The following GRID1 variants were observed in gnomAD, a reference collection of about 807,000 sequenced individuals.
GRID1 encodes the protein glutamate receptor ionotropic, delta-1.
In GRID1, 28 loss-of-function variants were observed where a neutral mutation model predicts 98.0. The ratio of observed to expected loss-of-function variants is 0.29; its 90% CI spans 0.21 to 0.39. GRID1 has a LOEUF of 0.39. GRID1 is among the 10% of genes least tolerant of loss of function. GRID1 has a pLI of 1.00. For missense variants in GRID1, 1,111 were observed against 1,340.5 expected (o/e 0.83, Z 2.67); for synonymous variants, 553 against 538.5 (o/e 1.03, Z -0.37).
At chr10:86,157,911 C>T (rs1438084297) in intron 3 of GRID1, among the ~76,000 whole-genome samples, 1 of 152,214 alleles carries the variant, frequency 6.6e-6, no homozygotes, top group Non-Finnish European at 1.5e-5. Context: ...AGCTCCGGCT[C>T]CAGCTGCTCC....
At chr10:85,769,856 G>A (rs1214638812) in intron 8 of GRID1, among the ~76,000 whole-genome samples, 2 of 152,254 alleles carry the variant, frequency 1.3e-5, no homozygotes, top group African/African-American at 4.8e-5. Flanking sequence ...CACAGCTCAA[G>A]GAGGCCTGCC....
intron 2 of GRID1, among the ~76,000 whole-genome samples, chr10:86,356,324 T>A (rs113750668): frequency 4.1e-4 from 63 of 152,348 alleles, no homozygotes; most frequent in African/African-American, 1.5e-3. Context: ...GTTATTTTAA[T>A]GAAACGCCAA....
At chr10:86,070,811 T>C (rs987407202) in intron 4 of GRID1, among the ~76,000 whole-genome samples, 5 of 152,182 alleles carry the variant, frequency 3.3e-5, no homozygotes, top group African/African-American at 1.2e-4. Context: ...AGTAACAGGA[T>C]TAATCCCATC....
chr10:86,177,813 G>A (rs546266013), intron 3 of GRID1, among the ~76,000 whole-genome samples: 81 of 152,154 alleles, frequency 5.3e-4, no homozygotes, highest in Middle Eastern at 3.4e-3. Flanking sequence ...AGACTTTAGC[G>A]TATGCACGCG....
At chr10:86,220,880 C>A (rs907522329) in intron 2 of GRID1, among the ~76,000 whole-genome samples, 5 of 152,220 alleles carry the variant, frequency 3.3e-5, no homozygotes, top group African/African-American at 1.2e-4. Context: ...GCACCCAGCA[C>A]CAGCATCTGA....
In GRID1 at chr10:85,612,296, C is replaced by T. The variant is rs532742808; in HGVS notation, c.2601+1111G>A. On this transcript the variant is annotated intron_variant, in intron 15 of 15. Transcript: ENST00000327946. ...TGTCCAGAGGTGCCAAATCCCTTCC[C>T]CAAATCAGTCTGAGAAGAGCCCGCC... Among the ~76,000 whole-genome samples the T allele has an allele frequency of 5.6e-5, 4 of 71,224 alleles. No homozygotes were observed. In the East Asian group the frequency reaches 2.0e-3, roughly 36 times the overall value. 46.7% of individuals were successfully genotyped at this position (71,224 alleles called of 152,430 possible).
At chr10:86,325,031 A>G in intron 2 of GRID1, among the ~76,000 whole-genome samples, 1 of 152,232 alleles carries the variant, frequency 6.6e-6, no homozygotes, top group East Asian at 1.9e-4. Flanking sequence ...TCATGACACT[A>G]TATGAACCTT....
intron 3 of GRID1, among the ~76,000 whole-genome samples, chr10:86,148,325 C>T (rs1845115685): frequency 6.6e-6 from 1 of 152,162 alleles, no homozygotes; most frequent in African/African-American, 2.4e-5. Flanking sequence ...CAACAATGTG[C>T]ATGAGCCTGG....
At chr10:86,072,048 G>A (rs1420026422) in intron 4 of GRID1, among the ~76,000 whole-genome samples, 1 of 152,204 alleles carries the variant, frequency 6.6e-6, no homozygotes, top group African/African-American at 2.4e-5. Flanking sequence ...GTGAGAGGAA[G>A]ATGGGAGGAA....
At chr10:86,032,970 T>A in intron 4 of GRID1, among the ~76,000 whole-genome samples, 1 of 150,492 alleles carries the variant, frequency 6.6e-6, no homozygotes, top group Admixed American at 6.6e-5. Context: ...AAAATAAATA[T>A]AAATAAATAA....
intron 12 of GRID1, among the ~76,000 whole-genome samples, chr10:85,689,552 A>G (rs188888113): frequency 6.6e-6 from 1 of 152,324 alleles, no homozygotes; most frequent in Admixed American, 6.5e-5. Flanking sequence ...AAACAACTAT[A>G]GTAAATATTA....
intron 8 of GRID1, among the ~76,000 whole-genome samples, chr10:85,758,019 G>A (rs2140662): frequency 0.051 from 7,720 of 152,252 alleles, 338 homozygotes; most frequent in African/African-American, 0.12. Context: ...CTTGGACATT[G>A]AGGCAGTCCT....
At chr10:85,983,098 C>T (rs1263326526) in intron 4 of GRID1, among the ~76,000 whole-genome samples, 2 of 152,186 alleles carry the variant, frequency 1.3e-5, no homozygotes, top group Non-Finnish European at 2.9e-5. Context: ...GAGTGGAGAG[C>T]CAGCCATGGC....
chr10:86,097,122 C>T (rs1386970684), intron 4 of GRID1, among the ~76,000 whole-genome samples: 1 of 152,212 alleles, frequency 6.6e-6, no homozygotes, highest in African/African-American at 2.4e-5. Flanking sequence ...ACACCATCCA[C>T]TTCACTGGTC....
At chr10:85,738,816 T>C (rs1841912004) in intron 8 of GRID1, among the ~76,000 whole-genome samples, 2 of 152,114 alleles carry the variant, frequency 1.3e-5, no homozygotes, top group Admixed American at 1.3e-4. Context: ...GTACTGAAAA[T>C]AGATCAATGT....
At chr10:85,834,573 T>G (rs1842896431) in intron 8 of GRID1, among the ~76,000 whole-genome samples, 1 of 152,170 alleles carries the variant, frequency 6.6e-6, no homozygotes, top group Non-Finnish European at 1.5e-5. Flanking sequence ...ATAAATTTAT[T>G]TGATAATTGA....
chr10:86,043,620 C>T (rs1843378587), intron 4 of GRID1, among the ~76,000 whole-genome samples: 1 of 152,234 alleles, frequency 6.6e-6, no homozygotes, highest in South Asian at 2.1e-4. Flanking sequence ...CCAGCCAGAG[C>T]TTCAATCTGA....
At chr10:85,776,352 A>G (rs1266388051) in intron 8 of GRID1, among the ~76,000 whole-genome samples, 1 of 152,252 alleles carries the variant, frequency 6.6e-6, no homozygotes, top group Non-Finnish European at 1.5e-5. Context: ...TGCTTTCCAC[A>G]ACAAAGAACG....
chr10:86,366,295 G>T lies in GRID1; in HGVS notation c.79+19C>A, dbSNP rs758884889. Reference sequence around the variant, plus strand: ...TGGGGCCCCCGCCCAGCCTCGGCCCGGCCTCCAGCCGCGCTTACCGATGTG... The same window carrying T: ...TGGGGCCCCCGCCCAGCCTCGGCCCTGCCTCCAGCCGCGCTTACCGATGTG... On this transcript the variant is annotated intron_variant, in intron 1 of 15. Transcript: ENST00000327946. The surrounding 1 kb of genome is among the most constrained non-coding windows in gnomAD (Gnocchi z 4.1). 2 of 1,480,038 alleles carry T rather than the reference G, an allele frequency of 1.4e-6. No homozygotes were observed. Among genetic ancestry groups the T allele is most frequent in the Non-Finnish European group, 1.8e-6 (2 of 1,110,512 alleles). The allele number at this position is 1,480,038 out of a possible 1,614,324, so 91.7% of individuals were successfully genotyped here. A position where few individuals can be genotyped will look rare whatever the true frequency, so the allele number is the denominator to read the frequency against.
Sources: allele counts gnomAD v4.1 joint callset (sites outside exome capture counted in the v4.1 genomes callset), GRCh38; gene constraint gnomAD v4.1.1; non-coding constraint Gnocchi (gnomAD v3.1); transcripts MANE v1.5; gene names NCBI Gene and HGNC (gene_info 2026-07-23, HGNC 2026-07-21).